The following RGS10 variants were observed in gnomAD, a reference collection of about 807,000 sequenced individuals.
RGS10 encodes the protein regulator of G-protein signalling 10.
Under a neutral mutation model 23.5 loss-of-function variants are expected in RGS10, and 11 were observed. The ratio of observed to expected loss-of-function variants is 0.47; its 90% CI spans 0.29 to 0.77. RGS10 has a LOEUF of 0.77. Among genes scored for constraint, RGS10 ranks in the 30% least tolerant of loss-of-function variants. The pLI is 0.08. For missense variants in RGS10, 180 were observed against 226.3 expected, an observed-to-expected ratio of 0.80 and a Z score of 1.31; for synonymous variants, 77 against 83.2, an observed-to-expected ratio of 0.92 and a Z score of 0.41.
intron 4 of RGS10, among the ~76,000 whole-genome samples, chr10:119,507,579 C>CTTTTT (rs35699150): frequency 3.1e-5 from 2 of 64,400 alleles, no homozygotes; most frequent in African/African-American, 6.7e-5. Context: ...TCACCCAAGG[C>CTTTTT]TTTTTTTTTT....
intron 1 of RGS10, chr10:119,536,403 G>T: frequency 2.6e-6 from 4 of 1,522,600 alleles, no homozygotes; most frequent in Non-Finnish European, 3.6e-6. Context: ...CCCCTGCCCC[G>T]CCCAGGGCCA....
At chr10:119,516,670 A>G (rs1844148071) in intron 3 of RGS10, among the ~76,000 whole-genome samples, 1 of 152,174 alleles carries the variant, frequency 6.6e-6, no homozygotes, top group Admixed American at 6.5e-5. Flanking sequence ...GGGAAGCAGG[A>G]GCCGTGAGTA....
In RGS10 at chr10:119,542,617, G is replaced by C. The variant is rs920213805; in HGVS notation, c.22C>G (p.Arg8Gly). 2.2e-5 allele frequency: 32 copies of C among 1,426,852 alleles called. No homozygotes were observed. The highest frequency in any genetic ancestry group is 2.8e-5 in the Non-Finnish European group (30 of 1,087,598). The allele number at this position is 1,426,852 out of a possible 1,614,324, so 88.4% of individuals were successfully genotyped here. The change falls in exon 1 of 5, where the codon CGG becomes GGG. Residue 8 changes from arginine (R) to glycine (G), a missense_variant. Coordinates refer to ENST00000369103, the MANE Select transcript of RGS10 (RefSeq NM_001005339.2). ...GACGGCGGCCGCTTCCTGCTCAGCCGGCTCACGGCGCGGTTGAACATCGCC... is the reference window on the plus strand; with the variant it reads ...GACGGCGGCCGCTTCCTGCTCAGCCCGCTCACGGCGCGGTTGAACATCGCC... The part of the protein sequence containing the change: MFNRAVS[R>G]LSRKRPPSDI...
intron 1 of RGS10, among the ~76,000 whole-genome samples, chr10:119,537,331 G>A (rs1053744957): frequency 8.6e-5 from 13 of 150,558 alleles, no homozygotes; most frequent in African/African-American, 2.9e-4. Flanking sequence ...GCCGTGAGCC[G>A]AGATTGCGCC....
At chr10:119,504,382 A>C (rs1235069374) in intron 4 of RGS10, among the ~76,000 whole-genome samples, 2 of 152,052 alleles carry the variant, frequency 1.3e-5, no homozygotes, top group East Asian at 3.9e-4. Context: ...CACCACATTG[A>C]CCAGGCTGGT....
chr10:119,518,716 T>C (rs529793705), intron 3 of RGS10, among the ~76,000 whole-genome samples: 31 of 151,778 alleles, frequency 2.0e-4, no homozygotes, highest in African/African-American at 7.5e-4. Context: ...ATCCCTCTTT[T>C]TTTTTTTCAA....
At position 119,538,972 on chromosome 10, in the gene RGS10, G is replaced by A. The variant is rs1455512021; in HGVS notation, c.49+3618C>T. ...AAGCCCTAGGAAATGGCCATGCCAG[G>A]CATCTACATTTTCTAACCATGAAGA... On this transcript the variant is annotated intron_variant, in intron 1 of 4. Transcript: ENST00000369103. This position sits in a 1 kb window ranked among gnomAD's most constrained non-coding sequence, Gnocchi z 4.5. 6.6e-6 allele frequency among the ~76,000 whole-genome samples: 1 copy of A among 152,168 alleles called. No homozygotes were observed. The highest frequency in any genetic ancestry group is 1.9e-4 in the East Asian group (1 of 5,194).
chr10:119,520,445 G>A (rs1211901085), intron 3 of RGS10, among the ~76,000 whole-genome samples: 1 of 152,034 alleles, frequency 6.6e-6, no homozygotes, highest in African/African-American at 2.4e-5. Flanking sequence ...CAGACCCCCA[G>A]GTCCTCCACC....
rs1234427865 is a variant in RGS10, at chr10:119,527,875, T to C, written c.50-451A>G. Among the ~76,000 whole-genome samples, 1 of 152,228 alleles carries C rather than the reference T, an allele frequency of 6.6e-6. No homozygotes were observed. The highest frequency in any genetic ancestry group is 1.5e-5 in the Non-Finnish European group (1 of 68,032). The stretch of plus-strand genomic sequence containing the variant: ...ACTCCCACTAGTCTGAAGGCTCCTA[T>C]GTGTCCTCATCTTGTATCTCCAGCA... On this transcript the variant is annotated intron_variant, in intron 1 of 4. Coordinates refer to ENST00000369103, the MANE Select transcript of RGS10 (RefSeq NM_001005339.2). This position sits in a 1 kb window ranked among gnomAD's most constrained non-coding sequence, Gnocchi z 4.2.
chr10:119,534,112 G>A (rs1314129113), intron 1 of RGS10, among the ~76,000 whole-genome samples: 1 of 151,620 alleles, frequency 6.6e-6, no homozygotes, highest in Admixed American at 6.6e-5. Flanking sequence ...AAAATTAGCC[G>A]GGTATGGTGG....
chr10:119,528,109 C>T (rs1266312641), intron 1 of RGS10, among the ~76,000 whole-genome samples: 7 of 152,164 alleles, frequency 4.6e-5, no homozygotes, highest in Non-Finnish European at 8.8e-5. Flanking sequence ...CGGCTCACTG[C>T]AACCTCTGCC....
In RGS10 at chr10:119,517,468, T is replaced by TCCAAGAC. The variant is rs1406689920; in HGVS notation, c.256-1823_256-1817dup. On this transcript the variant is annotated intron_variant, in intron 3 of 4. Coordinates refer to ENST00000369103, the MANE Select transcript of RGS10 (RefSeq NM_001005339.2). This position sits in a 1 kb window ranked among gnomAD's most constrained non-coding sequence, Gnocchi z 5.0. ...CTTAGGAGCTGGCCCTGCTGTCCTC[T>TCCAAGAC]CCAAGACCCACCAGCTCCATGAAGC... Among the ~76,000 whole-genome samples, 1 of 152,104 alleles carries TCCAAGAC rather than the reference T, an allele frequency of 6.6e-6. No homozygotes were observed. The highest frequency in any genetic ancestry group is 6.5e-5 in the Admixed American group (1 of 15,268).
At chr10:119,515,728 C>T (rs753639192) in intron 3 of RGS10, 76 bp from the exon 4 acceptor site, 53 of 1,566,738 alleles carry the variant, frequency 3.4e-5, no homozygotes, top group Admixed American at 1.6e-4. Flanking sequence ...TCCCCTCCAG[C>T]CAGGCCCACA....
intron 1 of RGS10, among the ~76,000 whole-genome samples, chr10:119,531,851 G>A (rs577000498): frequency 6.6e-6 from 1 of 152,110 alleles, no homozygotes; most frequent in Non-Finnish European, 1.5e-5. Context: ...GGTCTCCTGG[G>A]CTAAGATCTC....
chr10:119,526,974 G>A (rs1414796266), intron 2 of RGS10, among the ~76,000 whole-genome samples: 1 of 152,060 alleles, frequency 6.6e-6, no homozygotes, highest in Admixed American at 6.5e-5. Flanking sequence ...GAGAGAACAA[G>A]CCTTCACGTC....
At chr10:119,532,958 C>G (rs758059822) in intron 1 of RGS10, among the ~76,000 whole-genome samples, 1 of 149,340 alleles carries the variant, frequency 6.7e-6, no homozygotes, top group Non-Finnish European at 1.5e-5. Flanking sequence ...AAGGATCACT[C>G]GAGCCCAGGA....
chr10:119,523,596 C>A (rs183954332), intron 3 of RGS10, among the ~76,000 whole-genome samples: 3 of 152,122 alleles, frequency 2.0e-5, no homozygotes, highest in Non-Finnish European at 4.4e-5. Flanking sequence ...ACCCAGGAGG[C>A]GGAGGCTGCA....
chr10:119,500,982 C>T (rs986943943), intron 4 of RGS10, among the ~76,000 whole-genome samples: 2 of 152,014 alleles, frequency 1.3e-5, no homozygotes, highest in East Asian at 1.9e-4. Flanking sequence ...CGGCTGCCCC[C>T]GCCGGCATGG....
rs146349347 is a variant in RGS10, at chr10:119,542,001, C to T, written c.49+589G>A. Among the ~76,000 whole-genome samples, 540 of 152,354 alleles carry T rather than the reference C, an allele frequency of 3.5e-3. 2 individuals carry two copies. The highest frequency in any genetic ancestry group is 0.011 in the East Asian group (58 of 5,180). ...GGCTCAGGCTGGCCCAAAGTGACGG[C>T]CAAGGCGAATCCTTCGTAACGTCAG... On this transcript the variant is annotated intron_variant, in intron 1 of 4. Coordinates refer to ENST00000369103, the MANE Select transcript of RGS10 (RefSeq NM_001005339.2).
Sources: allele counts gnomAD v4.1 joint callset (sites outside exome capture counted in the v4.1 genomes callset), GRCh38; gene constraint gnomAD v4.1.1; non-coding constraint Gnocchi (gnomAD v3.1); transcripts MANE v1.5; gene names NCBI Gene and HGNC (gene_info 2026-07-23, HGNC 2026-07-21).